Variants in CPAMD8 observed in about 807,000 individuals in gnomAD.
CPAMD8 encodes the protein C3 and PZP like alpha-2-macroglobulin domain containing 8.
Under a neutral mutation model 224.7 loss-of-function variants are expected in CPAMD8, and 146 were observed. The observed-to-expected ratio is 0.65, with a 90% CI of 0.57 to 0.75. CPAMD8 has a LOEUF of 0.75. Among genes scored for constraint, CPAMD8 ranks in the 30% least tolerant of loss-of-function variants. The pLI is 0.00. For synonymous variants in CPAMD8, 966 were observed against 1,044.6 expected, an observed-to-expected ratio of 0.92 and a Z score of 1.45; for missense variants, 2,301 against 2,537.5, an observed-to-expected ratio of 0.91 and a Z score of 2.00.
At chr19:17,009,548 G>A (rs1599903688) in intron 5 of CPAMD8, 4 of 518,542 alleles carry the variant, frequency 7.7e-6, no homozygotes, top group Non-Finnish European at 1.3e-5. Flanking sequence ...GCCAAGGCGG[G>A]TGGATCACGA....
At chr19:16,948,934 G>A (rs1262960720) in intron 20 of CPAMD8, among the ~76,000 whole-genome samples, 20 of 80,628 alleles carry the variant, frequency 2.5e-4, no homozygotes, top group African/African-American at 6.8e-4. Flanking sequence ...GAGTGGAGGG[G>A]AGAGGAGCAG....
At chr19:16,897,437 A>G in intron 39 of CPAMD8, 1 of 528,034 alleles carries the variant, frequency 1.9e-6, no homozygotes, top group Non-Finnish European at 3.3e-6. Flanking sequence ...TGCCCCCAGT[A>G]TACTGACCAT....
intron 18 of CPAMD8, among the ~76,000 whole-genome samples, chr19:16,963,071 C>T (rs922449397): frequency 6.6e-6 from 1 of 152,168 alleles, no homozygotes; most frequent in Non-Finnish European, 1.5e-5. Flanking sequence ...ACAACCAGTA[C>T]CAGCCACTGC....
At chr19:16,974,890 A>C (rs2055200117) in intron 17 of CPAMD8, among the ~76,000 whole-genome samples, 1 of 152,026 alleles carries the variant, frequency 6.6e-6, no homozygotes, top group African/African-American at 2.4e-5. Flanking sequence ...TGGGAGGATC[A>C]CTTGAGCACA....
chr19:16,893,418 G>A, intron 41 of CPAMD8, 79 bp from the exon 42 acceptor site: 1 of 1,006,380 alleles, frequency 9.9e-7, no homozygotes, highest in Non-Finnish European at 1.4e-6. Context: ...GAGCCACAGG[G>A]CCTGTCGCTT....
chr19:16,973,271 T>A (rs979706143), intron 17 of CPAMD8, among the ~76,000 whole-genome samples: 1 of 152,234 alleles, frequency 6.6e-6, no homozygotes, highest in African/African-American at 2.4e-5. Context: ...TCTAATTCGC[T>A]CAACTTTTCT....
chr19:16,963,081 C>CA (rs1449603059), intron 18 of CPAMD8, among the ~76,000 whole-genome samples: 1 of 152,142 alleles, frequency 6.6e-6, no homozygotes, highest in Non-Finnish European at 1.5e-5. Flanking sequence ...CCAGCCACTG[C>CA]AAAAATATGC....
rs142526462 is a variant in CPAMD8, at chr19:16,943,167, C to T, written c.2793+2382G>A. ...AGGAGCTGGGACTACAGGTGTGTGC[C>T]ACCACGCCCAGCTAATTTTTGTATT... On this transcript the variant is annotated intron_variant, in intron 22 of 41. Transcript: ENST00000443236. Among the ~76,000 whole-genome samples, 34 of 151,946 alleles carry T rather than the reference C, an allele frequency of 2.2e-4. No homozygotes were observed. The East Asian group carries it at 4.9e-3, about 22-fold the overall frequency.
At chr19:17,013,413 A>G (rs2056717873) in intron 3 of CPAMD8, 1 of 151,990 alleles carries the variant, frequency 6.6e-6, no homozygotes, top group African/African-American at 2.4e-5. Context: ...CTGGAGGCTG[A>G]GGCACACCAA....
intron 21 of CPAMD8, 148 bp downstream of exon 21, chr19:16,946,926 G>T: frequency 2.6e-6 from 2 of 760,406 alleles, no homozygotes; most frequent in Non-Finnish European, 4.0e-6. Flanking sequence ...CTTCTGTCCT[G>T]CTTGCCCCAG....
intron 13 of CPAMD8, among the ~76,000 whole-genome samples, chr19:16,987,181 T>C (rs917594166): frequency 2.5e-5 from 1 of 40,672 alleles, no homozygotes; most frequent in African/African-American, 1.1e-4. Context: ...AAAAAAAAAA[T>C]ATATATATAT....
Position 16,906,922 on chromosome 19 carries a change from T to G in CPAMD8, c.4027+30A>C, listed in dbSNP as rs367571241. On this transcript the variant is annotated intron_variant, in intron 30 of 41. Coordinates refer to ENST00000443236, the MANE Select transcript of CPAMD8 (RefSeq NM_015692.5). The stretch of plus-strand genomic sequence containing the variant: ...CTCCACAGTGGGCTTCCCGACGCTG[T>G]GGCCTCTGGGGAGGGCCAGGGACAC... The G allele has an allele frequency of 3.8e-6, 6 of 1,563,386 alleles. No homozygotes were observed. The African/African-American group carries it at 8.1e-5, about 21-fold the overall frequency.
intron 23 of CPAMD8, among the ~76,000 whole-genome samples, chr19:16,929,522 T>C (rs541765374): frequency 2.6e-5 from 4 of 152,184 alleles, no homozygotes; most frequent in African/African-American, 4.8e-5. Context: ...CTGGGCAACA[T>C]AGCAAGACTC....
intron 10 of CPAMD8, among the ~76,000 whole-genome samples, chr19:16,998,606 T>G (rs565675639): frequency 7.1e-4 from 108 of 152,274 alleles, no homozygotes; most frequent in African/African-American, 2.5e-3. Flanking sequence ...GCTGAAAGGC[T>G]TAATGTCCGG....
intron 24 of CPAMD8, 79 bp from the exon 25 acceptor site, chr19:16,928,313 G>T: frequency 1.7e-6 from 2 of 1,176,940 alleles, no homozygotes; most frequent in Non-Finnish European, 2.5e-6. Flanking sequence ...CACCAGCTTT[G>T]TGGCCAGGGT....
rs781292887 is a variant in CPAMD8 at position 16,975,262 on chromosome 19, C to A, written c.1909-4G>T. 8.1e-6 allele frequency: 13 copies of A among 1,595,414 alleles called. No individual in the cohort carries two copies. In the South Asian group the frequency reaches 1.1e-4, roughly 14 times the overall value. The stretch of plus-strand genomic sequence containing the variant: ...AATCTTCCAGTTCCTGGAAAACCTG[C>A]AGGCAAAGGGGGACAGAGACTTGTC... On this transcript the variant is annotated splice_region_variant and splice_polypyrimidine_tract_variant and intron_variant, in intron 16 of 41. Transcript: ENST00000443236.
chr19:16,921,835 G>T, intron 27 of CPAMD8, 70 bp downstream of exon 27: 3 of 978,430 alleles, frequency 3.1e-6, no homozygotes, highest in Non-Finnish European at 4.7e-6. Flanking sequence ...TGGTCACACT[G>T]CATTGGATGT....
At position 16,934,569 on chromosome 19, in the gene CPAMD8, A is replaced by T. The variant is rs535937510; in HGVS notation, c.2845+3826T>A. On this transcript the variant is annotated intron_variant, in intron 23 of 41. Transcript: ENST00000443236. The stretch of plus-strand genomic sequence containing the variant: ...TTCATAAAGACTTTATACTAACCAG[A>T]AAAAGTGCTCAGAATGTGTTAAGTG... Among the ~76,000 whole-genome samples the T allele has an allele frequency of 5.3e-5, 8 of 152,302 alleles. No individual in the cohort carries two copies. In the South Asian group the frequency reaches 1.7e-3, roughly 32 times the overall value.
In CPAMD8 at chr19:17,011,536, C is replaced by T. The variant is rs1484314731; in HGVS notation, c.434-20G>A. ...TGAGCACTAGAAGAAAGAAGAGAGG[C>T]GTGTGACACCTCCAGACCATGGCCG... On this transcript the variant is annotated intron_variant, in intron 4 of 41. Coordinates refer to ENST00000443236, the MANE Select transcript of CPAMD8 (RefSeq NM_015692.5). 9.9e-6 allele frequency: 16 copies of T among 1,613,964 alleles called. No individual in the cohort carries two copies. The highest frequency in any genetic ancestry group is 2.2e-5 in the South Asian group (2 of 91,084).
Sources: allele counts gnomAD v4.1 joint callset (sites outside exome capture counted in the v4.1 genomes callset), GRCh38; gene constraint gnomAD v4.1.1; transcripts MANE v1.5; gene names NCBI Gene and HGNC (gene_info 2026-07-23, HGNC 2026-07-21).